The following PPP1R7 variants were observed in gnomAD, a reference collection of about 807,000 sequenced individuals.
PPP1R7 encodes protein phosphatase 1 regulatory subunit 22.
PPP1R7 carries 18 observed loss-of-function variants against 45.2 expected under a neutral mutation model. The ratio of observed to expected loss-of-function variants is 0.40; its 90% CI spans 0.28 to 0.59. The LOEUF (loss-of-function observed/expected upper bound fraction) is 0.59. Ranked by LOEUF, PPP1R7 falls within the 20% of genes least tolerant of loss-of-function variation. The probability of loss-of-function intolerance (pLI) is 0.46; values close to 1 mark genes in which losing one functional copy is unlikely to be tolerated. For synonymous variants in PPP1R7, 181 were observed against 183.4 expected (o/e 0.99, Z 0.11); for missense variants, 314 against 455.8 (o/e 0.69, Z 2.83).
intron 9 of PPP1R7, among the ~76,000 whole-genome samples, chr2:241,175,088 C>T (rs1219581833): frequency 6.6e-6 from 1 of 152,138 alleles, no homozygotes; most frequent in African/African-American, 2.4e-5. Flanking sequence ...GTGTCTGTCT[C>T]CCCCACTGTA....
chr2:241,167,117 C>T lies in PPP1R7; in HGVS notation c.819+676C>T, dbSNP rs756180081. Reference sequence around the variant, plus strand: ...CCACCCTCCTCAGCTGCCTCCAGCTCACCCTGCTCTGCCCCAGTGCGGTGT... The same window carrying T: ...CCACCCTCCTCAGCTGCCTCCAGCTTACCCTGCTCTGCCCCAGTGCGGTGT... On this transcript the variant is annotated intron_variant, in intron 8 of 9. Coordinates refer to ENST00000234038, the MANE Select transcript of PPP1R7 (RefSeq NM_002712.3). The T allele has an allele frequency of 3.8e-6, 6 of 1,582,028 alleles. No homozygotes were observed. The South Asian group carries it at 4.4e-5, about 12-fold the overall frequency.
chr2:241,168,592 T>C (rs1412238797), intron 8 of PPP1R7, among the ~76,000 whole-genome samples: 1 of 152,212 alleles, frequency 6.6e-6, no homozygotes, highest in South Asian at 2.1e-4. Flanking sequence ...CTGTTGAGCC[T>C]GATACTCTGT....
At chr2:241,158,660 C>T (rs562746702) in intron 4 of PPP1R7, 111 bp downstream of exon 4, 23 of 1,064,000 alleles carry the variant, frequency 2.2e-5, no homozygotes, top group South Asian at 6.9e-5. Context: ...CTGTGGGCGG[C>T]GTGGCTGCCT....
rs535735409 is a variant in PPP1R7 at position 241,165,909 on chromosome 2, A to T, written c.715-428A>T. Among the ~76,000 whole-genome samples the T allele has an allele frequency of 5.8e-5, 6 of 102,762 alleles. No individual in the cohort carries two copies. The South Asian group carries it at 8.9e-4, about 15-fold the overall frequency. The allele number at this position is 102,762 out of a possible 152,430, so 67.4% of individuals were successfully genotyped here. ...ACCGTGCCCAGCCCTTTATATATAT[A>T]TATTTTTTTTTGAGATGGAGTCTCG... On this transcript the variant is annotated intron_variant, in intron 7 of 9. Coordinates refer to ENST00000234038, the MANE Select transcript of PPP1R7 (RefSeq NM_002712.3).
Position 241,169,778 on chromosome 2 carries a change from T to C in PPP1R7, c.820-3T>C, listed in dbSNP as rs1331050958. On this transcript the variant is annotated splice_polypyrimidine_tract_variant and splice_region_variant and intron_variant, in intron 8 of 9. Coordinates refer to ENST00000234038, the MANE Select transcript of PPP1R7 (RefSeq NM_002712.3). Reference sequence around the variant, plus strand: ...CAGGAAACATTTTATTTCCTTCTTTTAGAACAAACTCACGATGTTGGACAT... The same window carrying C: ...CAGGAAACATTTTATTTCCTTCTTTCAGAACAAACTCACGATGTTGGACAT... The C allele has an allele frequency of 1.2e-6, 2 of 1,603,656 alleles. No homozygotes were observed. The highest frequency in any genetic ancestry group is 1.7e-5 in the Admixed American group (1 of 59,986).
chr2:241,156,699 T>C (rs2067464842), intron 2 of PPP1R7, among the ~76,000 whole-genome samples: 1 of 152,160 alleles, frequency 6.6e-6, no homozygotes, highest in South Asian at 2.1e-4. Context: ...TTTAAAAAAG[T>C]TTTTTAAAAG....
Position 241,182,924 on chromosome 2 carries a change from G to A in PPP1R7, c.*101G>A. 7.4e-7 allele frequency: 1 copy of A among 1,353,476 alleles called. No individual in the cohort carries two copies. The highest frequency in any genetic ancestry group is 1.0e-6 in the Non-Finnish European group (1 of 998,816). 83.8% of individuals were successfully genotyped at this position (1,353,476 alleles called of 1,614,324 possible). A position where few individuals can be genotyped will look rare whatever the true frequency, so the allele number is the denominator to read the frequency against. ...TCCTGAGGTCGTCACTATATCAACAGTCACAAACCCAATGGCAATAAAGGC... is the reference window on the plus strand; with the variant it reads ...TCCTGAGGTCGTCACTATATCAACAATCACAAACCCAATGGCAATAAAGGC... On this transcript the variant is annotated 3_prime_UTR_variant, in exon 10 of 10. Coordinates refer to ENST00000234038, the MANE Select transcript of PPP1R7 (RefSeq NM_002712.3).
At chr2:241,179,611 C>T (rs936597148) in intron 9 of PPP1R7, among the ~76,000 whole-genome samples, 3 of 152,114 alleles carry the variant, frequency 2.0e-5, no homozygotes, top group Non-Finnish European at 4.4e-5. Context: ...TGAAGTGGTC[C>T]CTCTGGGGGA....
chr2:241,160,267 A>G (rs1361813412), intron 5 of PPP1R7, 65 bp from the exon 6 acceptor site: 1 of 1,399,934 alleles, frequency 7.1e-7, no homozygotes, highest in Non-Finnish European at 9.6e-7. Context: ...TAGTGGTTAA[A>G]TTGTGAGTTC....
At chr2:241,160,178 G>A (rs533379836) in intron 5 of PPP1R7, among the ~76,000 whole-genome samples, 154 bp from the exon 6 acceptor site, 7 of 152,264 alleles carry the variant, frequency 4.6e-5, no homozygotes, top group Admixed American at 2.0e-4. Flanking sequence ...TGAGCCAGGC[G>A]GCAGCAGGGG....
At chr2:241,177,290 G>A (rs939437864) in intron 9 of PPP1R7, among the ~76,000 whole-genome samples, 8 of 151,822 alleles carry the variant, frequency 5.3e-5, no homozygotes, top group South Asian at 2.1e-4. Flanking sequence ...GGTGGCACGC[G>A]CCTGTAGTCA....
At chr2:241,163,136 G>A in intron 6 of PPP1R7, 149 bp from the exon 7 acceptor site, 1 of 641,218 alleles carries the variant, frequency 1.6e-6, no homozygotes, top group Non-Finnish European at 2.8e-6. Context: ...CTTCAAGTAG[G>A]ATTTCCACTG....
In PPP1R7 at chr2:241,183,360, GTGTGCT is replaced by G. The variant is rs796370582; in HGVS notation, c.*542_*547del. On this transcript the variant is annotated 3_prime_UTR_variant, in exon 10 of 10. Coordinates refer to ENST00000234038, the MANE Select transcript of PPP1R7 (RefSeq NM_002712.3). The stretch of plus-strand genomic sequence containing the variant: ...GCTGGGTAAAAGCTGACTCAGCCCT[GTGTGCT>G]TGTGTTCCTTAGAGCTCTCCTTCAA... The G allele has an allele frequency of 3.4e-5, 16 of 468,608 alleles. 1 individual carries two copies. Among genetic ancestry groups the G allele is most frequent in the African/African-American group, 3.2e-4 (16 of 50,038 alleles). The allele number at this position is 468,608 out of a possible 1,614,324, so 29.0% of individuals were successfully genotyped here.
At chr2:241,151,622 T>C (rs1375839669) in intron 1 of PPP1R7, 2 of 465,800 alleles carry the variant, frequency 4.3e-6, no homozygotes, top group African/African-American at 4.0e-5. Flanking sequence ...GTCTTGGACT[T>C]CATACCCTTT....
At position 241,182,975 on chromosome 2, in the gene PPP1R7, G is replaced by A. The variant is rs992389996; in HGVS notation, c.*152G>A. 1.8e-5 allele frequency: 15 copies of A among 820,690 alleles called. No homozygotes were observed. The highest frequency in any genetic ancestry group is 5.4e-5 in the East Asian group (2 of 36,978). 50.8% of individuals were successfully genotyped at this position (820,690 alleles called of 1,614,324 possible). A position where few individuals can be genotyped will look rare whatever the true frequency, so the allele number is the denominator to read the frequency against. On this transcript the variant is annotated 3_prime_UTR_variant, in exon 10 of 10. Coordinates refer to ENST00000234038, the MANE Select transcript of PPP1R7 (RefSeq NM_002712.3). ...ACTGACGATAGCTGGCGCGCGCGAC[G>A]TCACACACCATTTTCAGATGCCGTT...
upstream of PPP1R7, chr2:241,149,623 C>T: frequency 6.5e-7 from 1 of 1,534,988 alleles, no homozygotes; most frequent in Non-Finnish European, 8.7e-7. Context: ...ACCCCTACGG[C>T]GCTTCGGAGG....
chr2:241,153,555 T>C lies in PPP1R7; in HGVS notation c.132T>C (p.Ser44=). The change falls in exon 2 of 10, where the codon AGT becomes AGC. Residue 44 remains serine (S), a synonymous_variant. Transcript: ENST00000234038. ...KHSSGIVADL[S]EQSLKDGEER... is the part of the protein sequence containing the mutation. ...GCAGTGGCATCGTGGCCGACCTCAGTGAACAGAGCCTGAAGGATGGGGAGG... is the reference window on the plus strand; with the variant it reads ...GCAGTGGCATCGTGGCCGACCTCAGCGAACAGAGCCTGAAGGATGGGGAGG... 6.2e-7 allele frequency: 1 copy of C among 1,614,070 alleles called. No individual in the cohort carries two copies. The highest frequency in any genetic ancestry group is 8.5e-7 in the Non-Finnish European group (1 of 1,179,996).
rs16843427 is a variant in PPP1R7 at position 241,183,429 on chromosome 2, C to T, written c.*606C>T. Reference sequence around the variant, plus strand: ...AGGGCTGACTGTTTTCACGTGTGCCCGTCAGTTCTCGCCACATCCCTTGCC... The same window carrying T: ...AGGGCTGACTGTTTTCACGTGTGCCTGTCAGTTCTCGCCACATCCCTTGCC... On this transcript the variant is annotated 3_prime_UTR_variant, in exon 10 of 10. Transcript: ENST00000234038. 0.036 allele frequency: 16,773 copies of T among 470,978 alleles called. 1,400 individuals carry two copies. The highest frequency in any genetic ancestry group is 0.2 in the East Asian group (2,939 of 14,370). 29.2% of individuals were successfully genotyped at this position (470,978 alleles called of 1,614,324 possible). A position where few individuals can be genotyped will look rare whatever the true frequency, so the allele number is the denominator to read the frequency against.
intron 9 of PPP1R7, among the ~76,000 whole-genome samples, chr2:241,175,349 T>C (rs923675295): frequency 3.3e-5 from 5 of 152,182 alleles, no homozygotes; most frequent in Admixed American, 3.3e-4. Flanking sequence ...ATTTTCCCCT[T>C]CCCAGACCTT....
Sources: gnomAD v4.1 joint callset for allele counts (sites outside exome capture counted in the v4.1 genomes callset) on GRCh38, gnomAD v4.1.1 for gene constraint, MANE v1.5 for transcripts, NCBI Gene and HGNC (gene_info 2026-07-23, HGNC 2026-07-21) for gene names.